Variants in S100A5 observed in about 807,000 individuals in gnomAD.
S100A5 encodes the protein S100 calcium binding protein A5, also known as protein S100-A5.
A neutral mutation model predicts 6.7 loss-of-function variants in S100A5; 5 were observed. That is an observed-to-expected ratio of 0.75 (90% CI 0.39 to 1.57). The LOEUF (loss-of-function observed/expected upper bound fraction) is 1.57. S100A5 is among the 40% of genes most tolerant of loss of function. The pLI is 0.03. For synonymous variants in S100A5, 49 were observed against 44.9 expected (o/e 1.09, Z -0.37); for missense variants, 129 against 110.8 (o/e 1.16, Z -0.74).
chr1:153,537,425 G>T lies in S100A5; in HGVS notation c.150C>A (p.Ser50Arg). ...KELCLGEMKE[S>R]SIDDLMKSLD... ...GGCTCTTCATCAAGTCATCGATGCT[G>T]CTCTCCTTCATCTTTTGTGGACCCA... The change falls in exon 3 of 3, where the codon AGC becomes AGA. Residue 50 changes from serine (S) to arginine (R), a missense_variant. Transcript: ENST00000368717. 1 of 1,614,082 alleles carries T rather than the reference G, an allele frequency of 6.2e-7. No homozygotes were observed. The highest frequency in any genetic ancestry group is 8.5e-7 in the Non-Finnish European group (1 of 1,179,976).
At chr1:153,539,959 C>A (rs951658975) in intron 2 of S100A5, 95 bp downstream of exon 2, 44 of 1,482,686 alleles carry the variant, frequency 3.0e-5, no homozygotes, top group Middle Eastern at 1.8e-4. Flanking sequence ...GCCACCCTGC[C>A]CCTGGCTTAG....
upstream of S100A5, chr1:153,541,816 C>T: frequency 9.6e-7 from 1 of 1,043,330 alleles, no homozygotes; most frequent in African/African-American, 1.7e-5. Context: ...CCACATCGGG[C>T]CCCTCCCACC....
chr1:153,539,477 T>TATATATATATA (rs35924194), intron 2 of S100A5, among the ~76,000 whole-genome samples: 11 of 73,016 alleles, frequency 1.5e-4, no homozygotes, highest in African/African-American at 6.0e-4. Context: ...ATATATATAT[T>TATATATATATA]TATTTATTTA....
chr1:153,537,579 A>T, intron 2 of S100A5, 143 bp from the exon 3 acceptor site: 1 of 1,054,022 alleles, frequency 9.5e-7, no homozygotes, highest in Non-Finnish European at 1.4e-6. Flanking sequence ...CGACCCCCAG[A>T]GTCTGCCCAC....
In S100A5 at chr1:153,537,281, GGAGGGCA is replaced by G; in HGVS notation, c.*8_*14del. On this transcript the variant is annotated 3_prime_UTR_variant, in exon 3 of 3. Coordinates refer to ENST00000368717, the MANE Select transcript of S100A5 (RefSeq NM_001394232.1). ...GCAGCAAAGGGTGGAGGGTGAGGGTGGAGGGCAGCCCTGGTCACTTGTTGTCCTCTAG... is the reference window on the plus strand; with the variant it reads ...GCAGCAAAGGGTGGAGGGTGAGGGTGGCCCTGGTCACTTGTTGTCCTCTAG... 6.2e-7 allele frequency: 1 copy of G among 1,608,470 alleles called. No individual in the cohort carries two copies. Among genetic ancestry groups the G allele is most frequent in the Non-Finnish European group, 8.5e-7 (1 of 1,175,430 alleles).
intron 2 of S100A5, among the ~76,000 whole-genome samples, chr1:153,539,283 T>G (rs1192944448): frequency 6.6e-6 from 1 of 151,040 alleles, no homozygotes; most frequent in South Asian, 2.1e-4. Context: ...AAAAATTAGC[T>G]GGGCGTGATG....
chr1:153,539,439 AAAAAAAAAAAAATAT>A (rs1403131200), intron 2 of S100A5, among the ~76,000 whole-genome samples: 43 of 112,346 alleles, frequency 3.8e-4, no homozygotes, highest in African/African-American at 1.7e-3. Context: ...AAAAAAAAAA[AAAAAAAAAAAAATAT>A]ATATATATAT....
In S100A5 at chr1:153,537,188, G is replaced by T; in HGVS notation, c.*108C>A. 2.4e-6 allele frequency: 3 copies of T among 1,231,162 alleles called. No individual in the cohort carries two copies. The South Asian group carries it at 4.2e-5, about 17-fold the overall frequency. The allele number at this position is 1,231,162 out of a possible 1,614,324, so 76.3% of individuals were successfully genotyped here. A position where few individuals can be genotyped will look rare whatever the true frequency, so the allele number is the denominator to read the frequency against. On this transcript the variant is annotated 3_prime_UTR_variant, in exon 3 of 3. Coordinates refer to ENST00000368717, the MANE Select transcript of S100A5 (RefSeq NM_001394232.1). ...GGAAACTTTATTTCCTCCCATGGAA[G>T]GGTCCATCTGGGAGGGAGAGGAGGG...
Position 153,540,155 on chromosome 1 carries a change from C to T in S100A5, c.37G>A (p.Val13Met). The change falls in exon 2 of 3, where the codon GTG (valine) becomes ATG (methionine). Residue 13 changes from valine (V) to methionine (M), a missense_variant. Coordinates refer to ENST00000368717, the MANE Select transcript of S100A5 (RefSeq NM_001394232.1). ...CCCGAATATTTGTGAAACGTGGTCA[C>T]CATAGTGGTCAGGGCCTTCTCCAGA... ...TPLEKALTTM[V>M]TTFHKYSGRE... 3 of 1,614,152 alleles carry T rather than the reference C, an allele frequency of 1.9e-6. No individual in the cohort carries two copies. In the African/African-American group the frequency reaches 4.0e-5, roughly 22 times the overall value.
chr1:153,537,943 A>G lies in S100A5; in HGVS notation c.139-507T>C, dbSNP rs573345619. 2.0e-5 allele frequency among the ~76,000 whole-genome samples: 3 copies of G among 152,270 alleles called. No individual in the cohort carries two copies. The South Asian group carries it at 6.2e-4, about 32-fold the overall frequency. On this transcript the variant is annotated intron_variant, in intron 2 of 2. Coordinates refer to ENST00000368717, the MANE Select transcript of S100A5 (RefSeq NM_001394232.1). ...ATCCCTGTAATCCCAGCTATTTGGA[A>G]GGCTGAGGCAGGAGAATCGCTTGAA...
chr1:153,537,802 C>A (rs952855739), intron 2 of S100A5, among the ~76,000 whole-genome samples: 2 of 152,194 alleles, frequency 1.3e-5, no homozygotes, highest in Non-Finnish European at 2.9e-5. Flanking sequence ...AATCCTAGCA[C>A]TTTGGGAGGC....
upstream of S100A5, chr1:153,541,446 T>G (rs1665384718): frequency 1.5e-6 from 2 of 1,367,708 alleles, no homozygotes; most frequent in Admixed American, 3.8e-5. Flanking sequence ...CACTGCCTTC[T>G]GCCTTTATTT....
upstream of S100A5, chr1:153,541,388 T>C (rs560963043): frequency 4.6e-5 from 63 of 1,367,692 alleles, no homozygotes; most frequent in South Asian, 6.8e-4. Context: ...GACTTACCAC[T>C]GTGGGAGTGA....
chr1:153,540,570 A>G (rs73026311), intron 1 of S100A5, 51 bp downstream of exon 1: 2,525 of 181,150 alleles, frequency 0.014, 69 homozygotes, highest in African/African-American at 0.055. Context: ...CAGCTTAGGA[A>G]CTGGTTTTCC....
intron 2 of S100A5, among the ~76,000 whole-genome samples, chr1:153,539,444 A>ATATATATAT (rs1217507384): frequency 1.9e-5 from 2 of 104,292 alleles, no homozygotes; most frequent in African/African-American, 9.9e-5. Flanking sequence ...AAAAAAAAAA[A>ATATATATAT]AAAAAAATAT....
intron 2 of S100A5, among the ~76,000 whole-genome samples, chr1:153,539,422 C>A: frequency 2.3e-5 from 1 of 44,016 alleles, no homozygotes; most frequent in Non-Finnish European, 3.4e-5. Context: ...GCGAGACTCT[C>A]TCAAAAAAAA....
chr1:153,542,006 C>G (rs917039724), upstream of S100A5: 2 of 573,146 alleles, frequency 3.5e-6, no homozygotes, highest in African/African-American at 4.1e-5. Flanking sequence ...AGGAAAGGCT[C>G]GTCGGAGACT....
rs574911715 is a variant in S100A5 at position 153,537,175 on chromosome 1, T to G, written c.*121A>C. The G allele has an allele frequency of 1.7e-6, 2 of 1,150,002 alleles. No homozygotes were observed. The highest frequency in any genetic ancestry group is 3.1e-5 in the South Asian group (2 of 65,368). The allele number at this position is 1,150,002 out of a possible 1,614,324, so 71.2% of individuals were successfully genotyped here. ...CAGCACCTGCGATGGAAACTTTATT[T>G]CCTCCCATGGAAGGGTCCATCTGGG... On this transcript the variant is annotated 3_prime_UTR_variant, in exon 3 of 3. Transcript: ENST00000368717.
At chr1:153,543,343 G>A (rs1047020598), upstream of S100A5, 1 of 965,612 alleles carries the variant, frequency 1.0e-6, no homozygotes, top group Non-Finnish European at 1.2e-6. Flanking sequence ...TTGGAGAGAG[G>A]TGGGAGGGGT....
Sources: allele counts gnomAD v4.1 joint callset (sites outside exome capture counted in the v4.1 genomes callset), GRCh38; gene constraint gnomAD v4.1.1; transcripts MANE v1.5; gene names NCBI Gene and HGNC (gene_info 2026-07-23, HGNC 2026-07-21).